RNF180: variants seen among roughly 807,000 people sequenced by gnomAD.
RNF180 encodes E3 ubiquitin-protein ligase RNF180.
A neutral mutation model predicts 59.2 loss-of-function variants in RNF180; 38 were observed. The ratio of observed to expected loss-of-function variants is 0.64; its 90% CI spans 0.50 to 0.84. The LOEUF (loss-of-function observed/expected upper bound fraction) is 0.84. Ranked by LOEUF, RNF180 falls within the 40% of genes least tolerant of loss-of-function variation. RNF180 has a pLI of 0.00. For missense variants in RNF180, 705 were observed against 700.9 expected (o/e 1.01, Z -0.07); for synonymous variants, 262 against 240.3 (o/e 1.09, Z -0.84).
chr5:64,221,769 AT>A (rs1054731955), intron 5 of RNF180, among the ~76,000 whole-genome samples: 6 of 152,160 alleles, frequency 3.9e-5, no homozygotes. Flanking sequence ...ATGCTCAAGT[AT>A]TTTTTAAAGG....
At chr5:64,298,737 G>A (rs193135759) in intron 5 of RNF180, among the ~76,000 whole-genome samples, 14 of 152,098 alleles carry the variant, frequency 9.2e-5, no homozygotes, top group Middle Eastern at 3.4e-3. Flanking sequence ...TAGCCAGTCC[G>A]CTGAACCAGA....
At chr5:64,242,199 T>C (rs1742848153) in intron 5 of RNF180, among the ~76,000 whole-genome samples, 1 of 152,204 alleles carries the variant, frequency 6.6e-6, no homozygotes, top group African/African-American at 2.4e-5. Flanking sequence ...AGCCCTACAC[T>C]GATCGTGGCT....
intron 6 of RNF180, among the ~76,000 whole-genome samples, chr5:64,326,247 T>G (rs1744635043): frequency 6.6e-6 from 1 of 151,942 alleles, no homozygotes; most frequent in Admixed American, 6.6e-5. Context: ...TTGCAACAGC[T>G]TTTTATTCTG....
intron 5 of RNF180, among the ~76,000 whole-genome samples, chr5:64,221,751 C>T (rs185866894): frequency 3.0e-4 from 45 of 152,162 alleles, no homozygotes; most frequent in African/African-American, 1.1e-3. Context: ...GTACTTTGTA[C>T]ATAATAGATG....
At chr5:64,200,146 G>A (rs1751666402) in intron 1 of RNF180, among the ~76,000 whole-genome samples, 1 of 152,016 alleles carries the variant, frequency 6.6e-6, no homozygotes, top group Non-Finnish European at 1.5e-5. Flanking sequence ...TAAAACCACT[G>A]TAGGCCAGAT....
intron 5 of RNF180, among the ~76,000 whole-genome samples, chr5:64,282,939 T>C (rs1382907646): frequency 1.3e-5 from 2 of 152,204 alleles, no homozygotes; most frequent in Non-Finnish European, 2.9e-5. Context: ...TATTTTAGAG[T>C]ATGTGCCATA....
At chr5:64,179,444 C>T (rs2111932477) in intron 1 of RNF180, among the ~76,000 whole-genome samples, 1 of 84,050 alleles carries the variant, frequency 1.2e-5, no homozygotes, top group East Asian at 2.4e-4. Context: ...GCTACACATG[C>T]ATGTATCAAT....
chr5:64,285,833 C>CTCCACTGTAGCTTT (rs1464339847), intron 5 of RNF180, among the ~76,000 whole-genome samples: 1 of 152,152 alleles, frequency 6.6e-6, no homozygotes, highest in Non-Finnish European at 1.5e-5. Context: ...CCTGGCCCTG[C>CTCCACTGTAGCTTT]TCCACTGTAG....
At position 64,330,264 on chromosome 5, in the gene RNF180, CT is replaced by C. The variant is rs1744840806; in HGVS notation, c.1454-13del. The C allele has an allele frequency of 2.9e-6, 4 of 1,399,152 alleles. No homozygotes were observed. Among genetic ancestry groups the C allele is most frequent in the Non-Finnish European group, 3.9e-6 (4 of 1,021,872 alleles). 86.7% of individuals were successfully genotyped at this position (1,399,152 alleles called of 1,614,324 possible). A position where few individuals can be genotyped will look rare whatever the true frequency, so the allele number is the denominator to read the frequency against. On this transcript the variant is annotated splice_polypyrimidine_tract_variant and intron_variant, in intron 6 of 7. Coordinates refer to ENST00000389100, the MANE Select transcript of RNF180 (RefSeq NM_001113561.2). Reference sequence around the variant, plus strand: ...CAAATTAATTTCAAAATCCTATTTTCTTTTGCTTTATTCTAGAATTGAACAA... The same window carrying C: ...CAAATTAATTTCAAAATCCTATTTTCTTTGCTTTATTCTAGAATTGAACAA...
intron 5 of RNF180, among the ~76,000 whole-genome samples, chr5:64,323,554 T>C (rs1744478338): frequency 6.6e-6 from 1 of 151,934 alleles, no homozygotes; most frequent in South Asian, 2.1e-4. Flanking sequence ...ATAATAATAA[T>C]AATAGAATAT....
intron 6 of RNF180, among the ~76,000 whole-genome samples, chr5:64,329,972 T>G (rs1744827984): frequency 6.6e-6 from 1 of 152,176 alleles, no homozygotes; most frequent in African/African-American, 2.4e-5. Flanking sequence ...TGTTTTAGAC[T>G]ACAGTTGTTT....
At chr5:64,319,505 C>A (rs1744236321) in intron 5 of RNF180, among the ~76,000 whole-genome samples, 1 of 152,130 alleles carries the variant, frequency 6.6e-6, no homozygotes, top group East Asian at 1.9e-4. Context: ...GAACCTAAGT[C>A]TAAGGTAGAG....
rs552183360 is a variant in RNF180, at chr5:64,204,307, C to G, written c.135+3365C>G. Reference sequence around the variant, plus strand: ...CTACTGTGAACTTTCTTATGCATATCTTTGCACACATTGGCATTAGTATTA... The same window carrying G: ...CTACTGTGAACTTTCTTATGCATATGTTTGCACACATTGGCATTAGTATTA... On this transcript the variant is annotated intron_variant, in intron 2 of 7. Transcript: ENST00000389100. 2.0e-5 allele frequency among the ~76,000 whole-genome samples: 3 copies of G among 152,272 alleles called. No individual in the cohort carries two copies. In the South Asian group the frequency reaches 6.2e-4, roughly 32 times the overall value.
chr5:64,363,543 T>C (rs1349591078), intron 7 of RNF180, among the ~76,000 whole-genome samples: 3 of 151,974 alleles, frequency 2.0e-5, no homozygotes, highest in African/African-American at 2.4e-5. Context: ...TGTGTTCTTA[T>C]TGCTTAGGAT....
Position 64,200,828 on chromosome 5 carries a change from G to C in RNF180, c.21G>C (p.Leu7Phe), listed in dbSNP as rs1751704778. The C allele has an allele frequency of 6.2e-7, 1 of 1,611,982 alleles. No individual in the cohort carries two copies. The highest frequency in any genetic ancestry group is 1.7e-5 in the Admixed American group (1 of 59,900). Residue 7 changes from leucine (L) to phenylalanine (F), a missense_variant, in exon 2 of 8, where the codon TTG (leucine) becomes TTC (phenylalanine). Physicochemically the swap from Leu to Phe is conservative, Grantham distance 22. Coordinates refer to ENST00000389100, the MANE Select transcript of RNF180 (RefSeq NM_001113561.2). The stretch of plus-strand genomic sequence containing the variant: ...CGCAGATGAAAAGAAGCAAAGAATT[G>C]ATAACTAAAAATCATAGTCAAGAGG... MKRSKE[L>F]ITKNHSQEET...
intron 5 of RNF180, among the ~76,000 whole-genome samples, chr5:64,312,285 A>AC (rs1743805717): frequency 6.6e-6 from 1 of 152,048 alleles, no homozygotes; most frequent in African/African-American, 2.4e-5. Flanking sequence ...GCACATCCTC[A>AC]CAGATGCCTT....
intron 5 of RNF180, among the ~76,000 whole-genome samples, chr5:64,227,998 C>T (rs1194900023): frequency 1.3e-5 from 2 of 152,074 alleles, no homozygotes; most frequent in East Asian, 3.9e-4. Flanking sequence ...GCAAATCTCA[C>T]CTACTCCTCT....
chr5:64,227,443 A>G (rs1241391644), intron 5 of RNF180, among the ~76,000 whole-genome samples: 3 of 152,158 alleles, frequency 2.0e-5, no homozygotes, highest in African/African-American at 7.2e-5. Flanking sequence ...AGGGTTCAAG[A>G]GGCACCTGGA....
intron 7 of RNF180, among the ~76,000 whole-genome samples, chr5:64,351,092 T>C (rs1745787941): frequency 3.3e-5 from 5 of 151,792 alleles, no homozygotes; most frequent in Admixed American, 1.3e-4. Context: ...CATTGAGCAG[T>C]GGTTTGTAGT....
Sources: gnomAD v4.1 joint callset for allele counts (sites outside exome capture counted in the v4.1 genomes callset) on GRCh38, gnomAD v4.1.1 for gene constraint, MANE v1.5 for transcripts, NCBI Gene and HGNC (gene_info 2026-07-23, HGNC 2026-07-21) for gene names.